MEI4: variants seen among roughly 807,000 people sequenced by gnomAD.
The protein encoded by MEI4 is meiotic double-stranded break formation protein 4, also known as meiosis-specific protein MEI4.
A neutral mutation model predicts 31.4 loss-of-function variants in MEI4; 27 were observed. The ratio of observed to expected loss-of-function variants is 0.86; its 90% CI spans 0.63 to 1.19. MEI4 has a LOEUF of 1.19. Among genes scored for constraint, MEI4 ranks in the 50% most tolerant of loss-of-function variants. The pLI, the probability that MEI4 is intolerant of heterozygous loss-of-function variation, is 0.00. For synonymous variants in MEI4, 122 were observed against 145.4 expected, an observed-to-expected ratio of 0.84 and a Z score of 1.16; for missense variants, 329 against 398.9, an observed-to-expected ratio of 0.82 and a Z score of 1.49.
chr6:77,739,909 T>A (rs2127672217), intron 2 of MEI4, among the ~76,000 whole-genome samples: 1 of 152,264 alleles, frequency 6.6e-6, no homozygotes, highest in South Asian at 2.1e-4. Flanking sequence ...TAAATTGAGA[T>A]CTTTCTAACT....
At position 77,924,468 on chromosome 6, in the gene MEI4, T is replaced by C. The variant is rs1249365692; in HGVS notation, c.*1122T>C. The C allele has an allele frequency of 1.3e-5, 2 of 151,704 alleles. No individual in the cohort carries two copies. The highest frequency in any genetic ancestry group is 2.9e-5 in the Non-Finnish European group (2 of 67,840). 9.4% of individuals were successfully genotyped at this position (151,704 alleles called of 1,614,324 possible). ...CAGTCAGCTTTTGTTATGTGACAGA[T>C]AGATAATCAATCACAAAATATCTAT... is the stretch of plus-strand genomic sequence containing the variant. On this transcript the variant is annotated 3_prime_UTR_variant, in exon 5 of 5. Coordinates refer to ENST00000684080, the MANE Select transcript of MEI4 (RefSeq NM_001322247.2).
chr6:77,744,487 G>T (rs556784736), intron 2 of MEI4, among the ~76,000 whole-genome samples: 1 of 151,988 alleles, frequency 6.6e-6, no homozygotes, highest in Non-Finnish European at 1.5e-5. Flanking sequence ...CCAAATCTAC[G>T]TCTGATTGGT....
At chr6:77,869,104 G>A (rs1771134164) in intron 4 of MEI4, among the ~76,000 whole-genome samples, 1 of 152,116 alleles carries the variant, frequency 6.6e-6, no homozygotes, top group African/African-American at 2.4e-5. Context: ...TTTAGGTGAT[G>A]GGAATATTGC....
chr6:77,690,689 G>T lies in MEI4; in HGVS notation c.18G>T (p.Trp6Cys), dbSNP rs773462607. ...AAGCCAGGATGGATGTTCAAAAATG[G>T]TATTTGAGAACTTCAAAGCTGGCTC... MDVQK[W>C]YLRTSKLALA... The change falls in exon 2 of 5, where the codon TGG (tryptophan) becomes TGT (cysteine). Residue 6 changes from tryptophan to cysteine, a missense_variant. Physicochemically the swap from Trp to Cys is radical, Grantham distance 215. Coordinates refer to ENST00000684080, the MANE Select transcript of MEI4 (RefSeq NM_001322247.2). 2.0e-4 allele frequency: 241 copies of T among 1,230,806 alleles called. No individual in the cohort carries two copies. Among genetic ancestry groups the T allele is most frequent in the Non-Finnish European group, 2.4e-4 (236 of 986,996 alleles). The allele number at this position is 1,230,806 out of a possible 1,614,324, so 76.2% of individuals were successfully genotyped here. A position where few individuals can be genotyped will look rare whatever the true frequency, so the allele number is the denominator to read the frequency against.
At chr6:77,740,248 A>G (rs759112844) in intron 2 of MEI4, among the ~76,000 whole-genome samples, 18 of 152,202 alleles carry the variant, frequency 1.2e-4, no homozygotes, top group Admixed American at 2.6e-4. Context: ...AGTATGTGCC[A>G]TGTGGTGGCA....
intron 3 of MEI4, among the ~76,000 whole-genome samples, chr6:77,786,511 A>T (rs1768739749): frequency 6.6e-6 from 1 of 152,166 alleles, no homozygotes; most frequent in African/African-American, 2.4e-5. Context: ...TATTACAAGG[A>T]TGTCAAACAT....
chr6:77,896,118 G>C (rs1014917602), intron 4 of MEI4, among the ~76,000 whole-genome samples: 1 of 152,104 alleles, frequency 6.6e-6, no homozygotes, highest in African/African-American at 2.4e-5. Context: ...TACTGAGAAA[G>C]TAGTGCAGCT....
intron 2 of MEI4, among the ~76,000 whole-genome samples, chr6:77,710,975 A>G (rs2127659848): frequency 6.6e-6 from 1 of 152,326 alleles, no homozygotes; most frequent in African/African-American, 2.4e-5. Context: ...GAAGTACACT[A>G]CAGTTATCTA....
intron 2 of MEI4, among the ~76,000 whole-genome samples, chr6:77,745,911 T>C (rs1174604215): frequency 6.6e-6 from 1 of 152,086 alleles, no homozygotes; most frequent in Non-Finnish European, 1.5e-5. Flanking sequence ...AAAGATGTTC[T>C]TTGAAACCAA....
At chr6:77,827,382 AAAAAG>A (rs1276479973) in intron 3 of MEI4, among the ~76,000 whole-genome samples, 4 of 150,668 alleles carry the variant, frequency 2.7e-5, no homozygotes, top group Admixed American at 2.7e-4. Flanking sequence ...AAAAAAAAAA[AAAAAG>A]AACCTACATA....
At chr6:77,670,868 T>A (rs1447659242) in intron 1 of MEI4, among the ~76,000 whole-genome samples, 1 of 152,082 alleles carries the variant, frequency 6.6e-6, no homozygotes, top group Non-Finnish European at 1.5e-5. Flanking sequence ...ATGAAAACAA[T>A]CTAAGCTCAA....
At chr6:77,685,988 C>T (rs1769047268) in intron 1 of MEI4, among the ~76,000 whole-genome samples, 1 of 152,072 alleles carries the variant, frequency 6.6e-6, no homozygotes, top group Non-Finnish European at 1.5e-5. Context: ...ACAGCTTTCT[C>T]AGGAATGCCT....
At chr6:77,889,946 T>C (rs1562027340) in intron 4 of MEI4, among the ~76,000 whole-genome samples, 2 of 152,182 alleles carry the variant, frequency 1.3e-5, no homozygotes, top group African/African-American at 2.4e-5. Flanking sequence ...AAGTCAAGAA[T>C]TGAAGTTTGG....
At chr6:77,728,156 G>A (rs573068165) in intron 2 of MEI4, among the ~76,000 whole-genome samples, 1 of 152,138 alleles carries the variant, frequency 6.6e-6, no homozygotes, top group Non-Finnish European at 1.5e-5. Flanking sequence ...TTATTGGTTG[G>A]ATGATTATAT....
At chr6:77,918,926 A>G (rs1204097653) in intron 4 of MEI4, among the ~76,000 whole-genome samples, 1 of 152,028 alleles carries the variant, frequency 6.6e-6, no homozygotes, top group Non-Finnish European at 1.5e-5. Context: ...AGCACTTATT[A>G]TTTTGAAATA....
intron 1 of MEI4, among the ~76,000 whole-genome samples, chr6:77,666,824 A>G (rs1768643689): frequency 6.6e-6 from 1 of 151,484 alleles, no homozygotes; most frequent in Non-Finnish European, 1.5e-5. Flanking sequence ...CTTTATCTGT[A>G]AGTGCTTTTG....
At chr6:77,685,305 C>T (rs1231380126) in intron 1 of MEI4, among the ~76,000 whole-genome samples, 1 of 149,752 alleles carries the variant, frequency 6.7e-6, no homozygotes, top group Admixed American at 6.7e-5. Flanking sequence ...TCTGGGTTGT[C>T]CCTTCACTTT....
chr6:77,866,316 T>G (rs917444824), intron 4 of MEI4, among the ~76,000 whole-genome samples: 62 of 152,278 alleles, frequency 4.1e-4, no homozygotes, highest in African/African-American at 1.5e-3. Context: ...GACATGATTG[T>G]ATATCTAGAA....
chr6:77,868,499 C>CTATATATATATATA (rs71558933), intron 4 of MEI4, among the ~76,000 whole-genome samples: 4,126 of 61,220 alleles, frequency 0.067, 527 homozygotes, highest in East Asian at 0.11. Flanking sequence ...GTAAAAAATA[C>CTATATATATATATA]TACATATATA....
Sources: allele counts gnomAD v4.1 joint callset (sites outside exome capture counted in the v4.1 genomes callset), GRCh38; gene constraint gnomAD v4.1.1; transcripts MANE v1.5; gene names NCBI Gene and HGNC (gene_info 2026-07-23, HGNC 2026-07-21).